Variants in RBL1 observed in about 807,000 individuals in gnomAD.
The protein encoded by RBL1 is RB transcriptional corepressor like 1, also known as retinoblastoma-like protein 1.
RBL1 carries 82 observed loss-of-function variants against 123.0 expected under a neutral mutation model. The ratio of observed to expected loss-of-function variants is 0.67; its 90% CI spans 0.56 to 0.80. RBL1 has a LOEUF of 0.80. RBL1 is among the 30% of genes least tolerant of loss of function. The probability of loss-of-function intolerance (pLI) is 0.00; values close to 1 mark genes in which losing one functional copy is unlikely to be tolerated. For missense variants in RBL1, 1,171 were observed against 1,299.6 expected (o/e 0.90, Z 1.52); for synonymous variants, 405 against 441.3 (o/e 0.92, Z 1.03).
intron 13 of RBL1, among the ~76,000 whole-genome samples, chr20:37,041,670 A>C (rs916584232): frequency 3.3e-5 from 5 of 152,174 alleles, no homozygotes; most frequent in South Asian, 4.1e-4. Context: ...AAAGTGTTCA[A>C]TCTTTATACA....
intron 18 of RBL1, 86 bp from the exon 19 acceptor site, chr20:37,018,455 A>G: frequency 6.8e-7 from 1 of 1,475,264 alleles, no homozygotes; most frequent in Non-Finnish European, 9.0e-7. Flanking sequence ...AAAATATCAA[A>G]CCAATTAAAA....
At chr20:37,045,900 C>A (rs1401634544) in intron 12 of RBL1, among the ~76,000 whole-genome samples, 1 of 152,092 alleles carries the variant, frequency 6.6e-6, no homozygotes, top group East Asian at 1.9e-4. Context: ...AGAAAAGTAC[C>A]TAGATGACTA....
At chr20:37,020,759 A>C (rs763688052) in intron 17 of RBL1, 29 bp from the exon 18 acceptor site, 23 of 1,453,484 alleles carry the variant, frequency 1.6e-5, no homozygotes, top group Non-Finnish European at 2.1e-5. Flanking sequence ...GCATTTATCA[A>C]CTGCTTTTTG....
intron 20 of RBL1, among the ~76,000 whole-genome samples, chr20:37,004,714 C>CAA (rs11361452): frequency 5.5e-4 from 40 of 72,492 alleles, no homozygotes; most frequent in South Asian, 3.5e-3. Context: ...GACTCTGCCT[C>CAA]AAAAAAAAAA....
At chr20:37,072,937 G>C (rs1356902453) in intron 2 of RBL1, among the ~76,000 whole-genome samples, 1 of 152,040 alleles carries the variant, frequency 6.6e-6, no homozygotes, top group Non-Finnish European at 1.5e-5. Context: ...TTTAGGTCAG[G>C]CAAAGTTGGT....
chr20:37,044,107 G>GT lies in RBL1; in HGVS notation c.1748dup (p.Asn583LysfsTer7). On this transcript the variant is annotated frameshift_variant, in exon 13 of 22. Coordinates refer to ENST00000373664, the MANE Select transcript of RBL1 (RefSeq NM_002895.5). LOFTEE classifies it high-confidence loss of function. ...TCACTTCTTCACAGGTAGGAACTTT[G>GT]TTTGCAGAAACCTGGAGAGCCTCCC... 1 of 1,535,828 alleles carries GT rather than the reference G, an allele frequency of 6.5e-7. No individual in the cohort carries two copies. The highest frequency in any genetic ancestry group is 1.2e-5 in the South Asian group (1 of 86,080).
intron 2 of RBL1, among the ~76,000 whole-genome samples, chr20:37,081,039 G>T (rs2066089725): frequency 6.6e-6 from 1 of 152,162 alleles, no homozygotes; most frequent in Non-Finnish European, 1.5e-5. Context: ...GTCAGAAAGT[G>T]ACATCTTTTA....
chr20:37,079,956 A>G (rs1382132035), intron 2 of RBL1, among the ~76,000 whole-genome samples: 1 of 152,214 alleles, frequency 6.6e-6, no homozygotes, highest in Non-Finnish European at 1.5e-5. Flanking sequence ...ACTTGCAGAC[A>G]GGAAAGAATT....
intron 6 of RBL1, among the ~76,000 whole-genome samples, chr20:37,066,493 CCT>C (rs918146317): frequency 7.9e-5 from 12 of 152,168 alleles, no homozygotes. Context: ...CCTACGGTTG[CCT>C]CTGACAGTAC....
chr20:37,091,538 C>T (rs139587410), intron 1 of RBL1, among the ~76,000 whole-genome samples: 52 of 151,716 alleles, frequency 3.4e-4, no homozygotes, highest in Admixed American at 9.2e-4. Flanking sequence ...GTATGTGGCA[C>T]GTCTGTAGTT....
intron 16 of RBL1, among the ~76,000 whole-genome samples, chr20:37,029,782 T>A (rs2064478300): frequency 1.3e-5 from 2 of 152,206 alleles, no homozygotes; most frequent in African/African-American, 2.4e-5. Flanking sequence ...TGTGTTCCTT[T>A]ACATTAATGA....
intron 13 of RBL1, among the ~76,000 whole-genome samples, chr20:37,041,107 C>T (rs185912503): frequency 4.6e-5 from 7 of 152,226 alleles, no homozygotes; most frequent in African/African-American, 1.7e-4. Context: ...TCCAATTCCT[C>T]CTGGCCTTGG....
At chr20:37,040,945 TC>T (rs1363243192) in intron 13 of RBL1, among the ~76,000 whole-genome samples, 6 of 152,184 alleles carry the variant, frequency 3.9e-5, no homozygotes, top group Non-Finnish European at 5.9e-5. Flanking sequence ...TACTAATCCT[TC>T]TTCAAGTTCA....
chr20:37,083,630 C>CAAAAAAGAAAA (rs2065491377), intron 2 of RBL1, among the ~76,000 whole-genome samples: 1 of 57,362 alleles, frequency 1.7e-5, no homozygotes, highest in Non-Finnish European at 2.9e-5. Context: ...ACTAAAAATA[C>CAAAAAAGAAAA]AAAAAAAAAA....
chr20:37,030,811 C>T (rs1240884136), intron 16 of RBL1, among the ~76,000 whole-genome samples: 1 of 150,822 alleles, frequency 6.6e-6, no homozygotes, highest in South Asian at 2.1e-4. Context: ...GCCGAGATTG[C>T]GCTACTGCAC....
In RBL1 at chr20:37,022,724, C is replaced by T. The variant is rs2064361256; in HGVS notation, c.2485G>A (p.Val829Ile). ...KIWTCFEFTLVHCPDLMKDRH... is the reference protein window; with the variant it reads ...KIWTCFEFTLIHCPDLMKDRH... ...TCTTTCATTAGATCAGGACAGTGAA[C>T]TAAAGTGAATTCAAAACACGTCCAT... is the stretch of plus-strand genomic sequence containing the variant. Residue 829 changes from valine to isoleucine, a missense_variant, in exon 17 of 22, where the codon GTT becomes ATT. Val to Ile is a conservative substitution (Grantham distance 29). Transcript: ENST00000373664. 1 of 1,614,128 alleles carries T rather than the reference C, an allele frequency of 6.2e-7. No homozygotes were observed. Among genetic ancestry groups the T allele is most frequent in the Non-Finnish European group, 8.5e-7 (1 of 1,179,988 alleles).
chr20:37,056,115 T>C (rs1300141378), intron 10 of RBL1, 31 bp downstream of exon 10: 3 of 1,587,412 alleles, frequency 1.9e-6, no homozygotes, highest in Admixed American at 1.8e-5. Context: ...TTATTTTCAA[T>C]GCTATGCCAA....
Position 36,996,595 on chromosome 20 carries a change from A to T in RBL1, c.*2164T>A, listed in dbSNP as rs2063892009. On this transcript the variant is annotated 3_prime_UTR_variant, in exon 22 of 22. Coordinates refer to ENST00000373664, the MANE Select transcript of RBL1 (RefSeq NM_002895.5). Reference sequence around the variant, plus strand: ...GTAGCTGGGACTACAGGCACATGCCATCACACCCAACTAATTTTTTTATTT... The same window carrying T: ...GTAGCTGGGACTACAGGCACATGCCTTCACACCCAACTAATTTTTTTATTT... The T allele has an allele frequency of 6.6e-6, 1 of 152,182 alleles. No individual in the cohort carries two copies. Among genetic ancestry groups the T allele is most frequent in the Admixed American group, 6.6e-5 (1 of 15,256 alleles). 9.4% of individuals were successfully genotyped at this position (152,182 alleles called of 1,614,324 possible). A position where few individuals can be genotyped will look rare whatever the true frequency, so the allele number is the denominator to read the frequency against.
chr20:37,000,271 G>T (rs1263851338), intron 21 of RBL1, among the ~76,000 whole-genome samples: 6 of 149,712 alleles, frequency 4.0e-5, no homozygotes, highest in African/African-American at 1.5e-4. Flanking sequence ...ACTCCGTCTG[G>T]GAAGTGAGGA....
Sources: gnomAD v4.1 joint callset for allele counts (sites outside exome capture counted in the v4.1 genomes callset) on GRCh38, gnomAD v4.1.1 for gene constraint, MANE v1.5 for transcripts, NCBI Gene and HGNC (gene_info 2026-07-23, HGNC 2026-07-21) for gene names.